DPY19L1: variants seen among roughly 807,000 people sequenced by gnomAD.
DPY19L1 encodes dpy-19 like C-mannosyltransferase 1.
A neutral mutation model predicts 96.9 loss-of-function variants in DPY19L1; 35 were observed. The ratio of observed to expected loss-of-function variants is 0.36; its 90% CI spans 0.28 to 0.48. The LOEUF (loss-of-function observed/expected upper bound fraction) is 0.48, where lower values mean the gene tolerates loss of function less well. Among genes scored for constraint, DPY19L1 ranks in the 20% least tolerant of loss-of-function variants. DPY19L1 has a pLI of 0.99. For missense variants in DPY19L1, 521 were observed against 777.9 expected (o/e 0.67, Z 3.93); for synonymous variants, 205 against 252.6 (o/e 0.81, Z 1.79).
chr7:34,975,517 C>A (rs328892), intron 7 of DPY19L1, among the ~76,000 whole-genome samples: 7,381 of 152,250 alleles, frequency 0.048, 397 homozygotes, highest in African/African-American at 0.13. Context: ...GTACAAGGTA[C>A]AACAGCAATG....
At chr7:34,970,253 G>C (rs1649246) in intron 8 of DPY19L1, among the ~76,000 whole-genome samples, 5,550 of 152,186 alleles carry the variant, frequency 0.036, 197 homozygotes, top group African/African-American at 0.088. Flanking sequence ...AGACATCCTG[G>C]CTAGATAAAC....
At position 34,989,877 on chromosome 7, in the gene DPY19L1, T is replaced by C. The variant is rs746407125; in HGVS notation, c.822+7A>G. ...AGTAATTCTGAGAATAGTTTTTGAT[T>C]ACCTACCTCTCCATGATTGAAAAAG... On this transcript the variant is annotated splice_region_variant and intron_variant, in intron 7 of 21. Coordinates refer to ENST00000638088, the MANE Select transcript of DPY19L1 (RefSeq NM_001366673.1). 3.8e-6 allele frequency: 6 copies of C among 1,582,426 alleles called. No individual in the cohort carries two copies. Among genetic ancestry groups the C allele is most frequent in the Non-Finnish European group, 5.1e-6 (6 of 1,168,746 alleles).
chr7:34,941,641 G>A (rs1407692164), intron 18 of DPY19L1, 124 bp downstream of exon 18: 11 of 677,342 alleles, frequency 1.6e-5, no homozygotes, highest in Non-Finnish European at 2.8e-5. Flanking sequence ...AGAAAGATAA[G>A]TACAAAACCA....
At chr7:34,945,195 TCTAA>T (rs1347082323) in intron 16 of DPY19L1, among the ~76,000 whole-genome samples, 3 of 152,014 alleles carry the variant, frequency 2.0e-5, no homozygotes, top group Admixed American at 6.5e-5. Flanking sequence ...TATAGGCCTC[TCTAA>T]CTCTCAGGTT....
intron 7 of DPY19L1, among the ~76,000 whole-genome samples, chr7:34,980,460 A>G (rs1226881917): frequency 6.6e-6 from 1 of 152,134 alleles, no homozygotes; most frequent in African/African-American, 2.4e-5. Flanking sequence ...AAAAACCTCA[A>G]AAAGATCTGT....
rs1422325298 is a variant in DPY19L1, at chr7:34,930,415, A to T, written c.*1158T>A. 3 of 152,210 alleles carry T rather than the reference A, an allele frequency of 2.0e-5. No homozygotes were observed. Among genetic ancestry groups the T allele is most frequent in the East Asian group, 3.8e-4 (2 of 5,196 alleles). The allele number at this position is 152,210 out of a possible 1,614,324, so 9.4% of individuals were successfully genotyped here. A position where few individuals can be genotyped will look rare whatever the true frequency, so the allele number is the denominator to read the frequency against. ...GGAGGACGAAATATACTTATTCCTTATACTGAAATGATGGTTTTTAGAACC... is the reference window on the plus strand; with the variant it reads ...GGAGGACGAAATATACTTATTCCTTTTACTGAAATGATGGTTTTTAGAACC... On this transcript the variant is annotated 3_prime_UTR_variant, in exon 22 of 22. Transcript: ENST00000638088.
At chr7:34,982,452 T>G (rs2128670546) in intron 7 of DPY19L1, among the ~76,000 whole-genome samples, 1 of 152,274 alleles carries the variant, frequency 6.6e-6, no homozygotes, top group South Asian at 2.1e-4. Flanking sequence ...TAAATGAAAC[T>G]GAATCTAGAG....
At chr7:35,032,970 C>T (rs1352100659) in intron 1 of DPY19L1, among the ~76,000 whole-genome samples, 1 of 152,172 alleles carries the variant, frequency 6.6e-6, no homozygotes, top group Non-Finnish European at 1.5e-5. Flanking sequence ...TCATGGGTCT[C>T]TCCACTTTTG....
At chr7:34,952,133 A>C (rs1784281795) in intron 13 of DPY19L1, among the ~76,000 whole-genome samples, 1 of 151,440 alleles carries the variant, frequency 6.6e-6, no homozygotes, top group African/African-American at 2.4e-5. Flanking sequence ...AGACCACAAA[A>C]AAAAAACCCA....
intron 19 of DPY19L1, 144 bp from the exon 20 acceptor site, chr7:34,939,519 T>C (rs1783949976): frequency 3.4e-6 from 2 of 582,794 alleles, no homozygotes; most frequent in Admixed American, 3.2e-5. Flanking sequence ...AGAACTAGCA[T>C]GAAGTCAGAT....
chr7:34,951,678 T>A (rs1404924993), intron 13 of DPY19L1, among the ~76,000 whole-genome samples: 1 of 151,554 alleles, frequency 6.6e-6, no homozygotes, highest in East Asian at 1.9e-4. Flanking sequence ...AGAATAAGAA[T>A]GAGGACAGGA....
chr7:35,009,417 T>C (rs563466349), intron 6 of DPY19L1, among the ~76,000 whole-genome samples: 1 of 152,192 alleles, frequency 6.6e-6, no homozygotes, highest in East Asian at 1.9e-4. Context: ...AATAATAAAT[T>C]GGCAAAAAAG....
At chr7:34,938,273 G>A (rs1348680168) in intron 20 of DPY19L1, among the ~76,000 whole-genome samples, 154 bp from the exon 21 acceptor site, 1 of 152,264 alleles carries the variant, frequency 6.6e-6, no homozygotes, top group Non-Finnish European at 1.5e-5. Flanking sequence ...GGGCATCAGT[G>A]AGGTCAAAAG....
chr7:35,029,126 G>A (rs968010753), intron 1 of DPY19L1, among the ~76,000 whole-genome samples: 1 of 152,092 alleles, frequency 6.6e-6, no homozygotes, highest in African/African-American at 2.4e-5. Flanking sequence ...AATGCAGCCT[G>A]GTAGGTCTCA....
At chr7:34,940,126 CTT>C in intron 19 of DPY19L1, 25 bp downstream of exon 19, 1 of 1,418,120 alleles carries the variant, frequency 7.1e-7, no homozygotes, top group Non-Finnish European at 9.2e-7. Context: ...AATAATATGA[CTT>C]TTTTTTTCTT....
chr7:34,960,883 A>C (rs1337095883), intron 10 of DPY19L1, among the ~76,000 whole-genome samples: 2 of 152,196 alleles, frequency 1.3e-5, no homozygotes, highest in Non-Finnish European at 2.9e-5. Context: ...AAACTTCCTA[A>C]TGTGATAAAT....
intron 8 of DPY19L1, among the ~76,000 whole-genome samples, chr7:34,972,683 G>A (rs190547952): frequency 6.6e-6 from 1 of 152,286 alleles, no homozygotes; most frequent in Admixed American, 6.5e-5. Flanking sequence ...CACAGTTAAA[G>A]GTTATGAATT....
intron 4 of DPY19L1, among the ~76,000 whole-genome samples, chr7:35,012,330 T>C (rs960470722): frequency 8.5e-5 from 13 of 152,288 alleles, no homozygotes; most frequent in African/African-American, 3.1e-4. Flanking sequence ...TTCTGCTTCA[T>C]TCATCCCCCT....
intron 21 of DPY19L1, among the ~76,000 whole-genome samples, chr7:34,934,701 ACGTAC>A (rs1229396918): frequency 6.6e-6 from 1 of 152,158 alleles, no homozygotes; most frequent in Non-Finnish European, 1.5e-5. Context: ...CATAAGGAGC[ACGTAC>A]CCTAGATCCC....
Sources: gnomAD v4.1 joint callset for allele counts (sites outside exome capture counted in the v4.1 genomes callset) on GRCh38, gnomAD v4.1.1 for gene constraint, MANE v1.5 for transcripts, NCBI Gene and HGNC (gene_info 2026-07-23, HGNC 2026-07-21) for gene names.